The following MDN1 variants were observed in gnomAD, a reference collection of about 807,000 sequenced individuals.
The protein encoded by MDN1 is midasin.
MDN1 carries 266 observed loss-of-function variants against 669.2 expected under a neutral mutation model. The observed-to-expected ratio is 0.40, with a 90% CI of 0.36 to 0.44. MDN1 has a LOEUF of 0.44. Ranked by LOEUF, MDN1 falls within the 20% of genes least tolerant of loss-of-function variation. The pLI is 1.00. For synonymous variants in MDN1, 2,385 were observed against 2,457.1 expected (o/e 0.97, Z 0.87); for missense variants, 5,940 against 6,754.0 (o/e 0.88, Z 4.22).
Position 89,794,783 on chromosome 6 carries a change from G to C in MDN1, c.348C>G (p.Phe116Leu). ...PDVLPFALRY[F>L]KDTSPVFQRL... is the part of the protein sequence containing the mutation. ...TTTGAAAGACTGGGGATGTGTCCTT[G>C]AAATATCTCAGGGCAAACCTTCAAA... is the stretch of plus-strand genomic sequence containing the variant. Residue 116 changes from phenylalanine (F) to leucine (L), a missense_variant, in exon 3 of 102, where the codon TTC becomes TTG. Phe to Leu is a conservative substitution (Grantham distance 22). Coordinates refer to ENST00000369393, the MANE Select transcript of MDN1 (RefSeq NM_014611.3). The C allele has an allele frequency of 6.2e-7, 1 of 1,614,094 alleles. No homozygotes were observed.
At chr6:89,750,011 A>G (rs1816862054) in intron 24 of MDN1, among the ~76,000 whole-genome samples, 1 of 152,212 alleles carries the variant, frequency 6.6e-6, no homozygotes, top group Admixed American at 6.5e-5. Flanking sequence ...TTTCCCCTGC[A>G]GTCTAATTTC....
intron 51 of MDN1, 65 bp from the exon 52 acceptor site, chr6:89,707,541 C>G (rs1813597280): frequency 9.7e-7 from 1 of 1,035,410 alleles, no homozygotes; most frequent in Non-Finnish European, 1.5e-6. Flanking sequence ...ATCATATCCT[C>G]TATTTGCTGG....
Position 89,692,734 on chromosome 6 carries a change from C to T in MDN1, c.10296G>A (p.Leu3432=). Residue 3432 remains leucine, a synonymous_variant, in exon 63 of 102, where the codon CTG becomes CTA. Coordinates refer to ENST00000369393, the MANE Select transcript of MDN1 (RefSeq NM_014611.3). ...CCAGCAAGGCTGTGGCCAGGGTCCCCAGCCTGTCTGCACCAACCATACTGC... is the reference window on the plus strand; with the variant it reads ...CCAGCAAGGCTGTGGCCAGGGTCCCTAGCCTGTCTGCACCAACCATACTGC... ...LHSSMVGADR[L]GTLATALLAF... is the part of the protein sequence containing the mutation. 1.2e-6 allele frequency: 2 copies of T among 1,614,080 alleles called. No individual in the cohort carries two copies. Among genetic ancestry groups the T allele is most frequent in the Non-Finnish European group, 8.5e-7 (1 of 1,179,940 alleles).
chr6:89,799,888 C>A (rs1767518543), intron 2 of MDN1, among the ~76,000 whole-genome samples: 2 of 152,108 alleles, frequency 1.3e-5, no homozygotes, highest in African/African-American at 4.8e-5. Context: ...AAGAGCTATT[C>A]TTTTGTTATT....
At chr6:89,771,927 G>A (rs1250940305) in intron 14 of MDN1, among the ~76,000 whole-genome samples, 1 of 152,004 alleles carries the variant, frequency 6.6e-6, no homozygotes, top group Non-Finnish European at 1.5e-5. Flanking sequence ...GGCTGGTCTT[G>A]AACTCCCGGG....
At chr6:89,650,986 C>T (rs1808812758) in intron 95 of MDN1, 139 bp from the exon 96 acceptor site, 3 of 613,034 alleles carry the variant, frequency 4.9e-6, no homozygotes, top group African/African-American at 3.7e-5. Context: ...AATCTTCTCC[C>T]AGCAAGCTAC....
chr6:89,674,292 A>G lies in MDN1; in HGVS notation c.13059T>C (p.Pro4353=), dbSNP rs1811033809. The G allele has an allele frequency of 6.2e-7, 1 of 1,614,104 alleles. No individual in the cohort carries two copies. The highest frequency in any genetic ancestry group is 1.7e-5 in the Admixed American group (1 of 60,002). The change falls in exon 79 of 102, where the codon CCT becomes CCC. Residue 4353 remains proline (P), a synonymous_variant. Coordinates refer to ENST00000369393, the MANE Select transcript of MDN1 (RefSeq NM_014611.3). ...QLCGVVLDLI[P]SNLSYPSPIP... Reference sequence around the variant, plus strand: ...TTGGAGATGGGTAGCTCAGATTGGAAGGAATTAGGTCCAGCACTACTCCAC... The same window carrying G: ...TTGGAGATGGGTAGCTCAGATTGGAGGGAATTAGGTCCAGCACTACTCCAC...
At chr6:89,750,556 C>T in intron 23 of MDN1, 24 bp from the exon 24 acceptor site, 1 of 1,572,774 alleles carries the variant, frequency 6.4e-7, no homozygotes, top group Non-Finnish European at 8.7e-7. Flanking sequence ...GCCAATTAAG[C>T]AACTTAAAAC....
chr6:89,723,708 T>C lies in MDN1; in HGVS notation c.5671-89A>G, dbSNP rs536577232. On this transcript the variant is annotated intron_variant, in intron 38 of 101. Transcript: ENST00000369393. ...CTACCATGTCTTATTATGCAAAATC[T>C]TTAATACCAAGTAACAATACATGAG... is the stretch of plus-strand genomic sequence containing the variant. 7 of 632,064 alleles carry C rather than the reference T, an allele frequency of 1.1e-5. No individual in the cohort carries two copies. The Admixed American group carries it at 2.2e-4, about 20-fold the overall frequency. The allele number at this position is 632,064 out of a possible 1,614,324, so 39.2% of individuals were successfully genotyped here.
At chr6:89,819,472 G>A (rs765076743) in intron 1 of MDN1, 34 bp downstream of exon 1, 2 of 1,583,048 alleles carry the variant, frequency 1.3e-6, no homozygotes, top group East Asian at 4.5e-5. Flanking sequence ...CGACCCAGTC[G>A]TTCCGGCGCT....
At chr6:89,649,915 A>G in intron 97 of MDN1, 109 bp downstream of exon 97, 1 of 1,131,238 alleles carries the variant, frequency 8.8e-7, no homozygotes, top group Non-Finnish European at 1.3e-6. Context: ...TTTTAGCCAT[A>G]TCATATTTAA....
chr6:89,793,960 A>C lies in MDN1; in HGVS notation c.663-6T>G. 1 of 1,607,644 alleles carries C rather than the reference A, an allele frequency of 6.2e-7. No homozygotes were observed. Among genetic ancestry groups the C allele is most frequent in the South Asian group, 1.1e-5 (1 of 90,754 alleles). ...ACTGGGCCTCTTCTAATAACCTGAG[A>C]GAAAGGAGAGTCTCGTCAATTACCT... On this transcript the variant is annotated splice_polypyrimidine_tract_variant and splice_region_variant and intron_variant, in intron 4 of 101. Transcript: ENST00000369393.
intron 10 of MDN1, chr6:89,781,112 C>T: frequency 2.5e-6 from 1 of 396,410 alleles, no homozygotes; most frequent in Non-Finnish European, 4.7e-6. Flanking sequence ...AGGAGCCACT[C>T]CCAAGTTGGT....
At chr6:89,706,620 A>G (rs1813533118) in intron 52 of MDN1, among the ~76,000 whole-genome samples, 1 of 152,138 alleles carries the variant, frequency 6.6e-6, no homozygotes, top group Non-Finnish European at 1.5e-5. Context: ...CTGATTTTGG[A>G]GCATTTCAGA....
At chr6:89,725,084 G>A in intron 38 of MDN1, 115 bp downstream of exon 38, 3 of 926,870 alleles carry the variant, frequency 3.2e-6, no homozygotes, top group Non-Finnish European at 5.0e-6. Flanking sequence ...CAAGAAAGAG[G>A]ATCATTAAGC....
At chr6:89,710,623 A>G (rs1310658979) in intron 50 of MDN1, 58 bp downstream of exon 50, 3 of 1,000,666 alleles carry the variant, frequency 3.0e-6, no homozygotes, top group South Asian at 1.8e-5. Flanking sequence ...TTTTCCCCAT[A>G]AAGTCAAAAG....
intron 31 of MDN1, among the ~76,000 whole-genome samples, chr6:89,740,669 T>C (rs575006646): frequency 2.0e-5 from 3 of 152,298 alleles, no homozygotes; most frequent in East Asian, 1.9e-4. Context: ...ATTATCATAA[T>C]AGCCAACTAC....
chr6:89,779,066 T>C (rs1324422584), intron 11 of MDN1, among the ~76,000 whole-genome samples: 2 of 152,012 alleles, frequency 1.3e-5, no homozygotes, highest in African/African-American at 2.4e-5. Context: ...TTATAATACC[T>C]AATACAAATT....
At chr6:89,748,895 A>G (rs539646297) in intron 26 of MDN1, among the ~76,000 whole-genome samples, 227 of 103,016 alleles carry the variant, frequency 2.2e-3, no homozygotes, top group African/African-American at 9.3e-3. Flanking sequence ...CCTTGTCTCT[A>G]CAAAAAAAAA....
Sources: gnomAD v4.1 joint callset for allele counts (sites outside exome capture counted in the v4.1 genomes callset) on GRCh38, gnomAD v4.1.1 for gene constraint, MANE v1.5 for transcripts, NCBI Gene and HGNC (gene_info 2026-07-23, HGNC 2026-07-21) for gene names.